SDK1: variants seen among roughly 807,000 people sequenced by gnomAD.
SDK1 encodes sidekick cell adhesion molecule 1, also known as protein sidekick-1.
In SDK1, 157 loss-of-function variants were observed where a neutral mutation model predicts 245.5. The ratio of observed to expected loss-of-function variants is 0.64; its 90% CI spans 0.56 to 0.73. The LOEUF is 0.73. Ranked by LOEUF, SDK1 falls within the 30% of genes least tolerant of loss-of-function variation. SDK1 has a pLI of 0.00. For missense variants in SDK1, 3,583 were observed against 3,002.3 expected (o/e 1.19, Z -4.52); for synonymous variants, 1,647 against 1,278.5 (o/e 1.29, Z -6.15).
chr7:3,569,700 T>C (rs1780047495), intron 1 of SDK1, among the ~76,000 whole-genome samples: 1 of 152,242 alleles, frequency 6.6e-6, no homozygotes, highest in Admixed American at 6.5e-5. Context: ...TTCCTGGAAA[T>C]CAAAGCACTG....
At chr7:3,621,137 C>T (rs186079199) in intron 2 of SDK1, among the ~76,000 whole-genome samples, 11 of 152,026 alleles carry the variant, frequency 7.2e-5, no homozygotes, top group African/African-American at 1.4e-4. Context: ...CTCTAGTGAT[C>T]GTAGGCAGCA....
At chr7:3,437,273 G>A (rs908935000) in intron 1 of SDK1, among the ~76,000 whole-genome samples, 2 of 151,900 alleles carry the variant, frequency 1.3e-5, no homozygotes, top group Non-Finnish European at 2.9e-5. Context: ...TTATAACATT[G>A]TTATTTCCCA....
chr7:3,386,592 A>G (rs757873426), intron 1 of SDK1, among the ~76,000 whole-genome samples: 8 of 152,182 alleles, frequency 5.3e-5, no homozygotes, highest in Non-Finnish European at 8.8e-5. Context: ...CTGAGCTTCT[A>G]TAAACATTTT....
intron 4 of SDK1, among the ~76,000 whole-genome samples, chr7:3,654,017 A>G (rs1272110818): frequency 1.3e-5 from 2 of 152,172 alleles, no homozygotes; most frequent in Non-Finnish European, 1.5e-5. Context: ...AGGGGTGTTC[A>G]GGTAAAAAAC....
chr7:3,548,268 A>T (rs148324008), intron 1 of SDK1, among the ~76,000 whole-genome samples: 1 of 152,214 alleles, frequency 6.6e-6, no homozygotes, highest in Non-Finnish European at 1.5e-5. Context: ...AACTGATTAT[A>T]CATCTGGAAA....
At chr7:4,214,434 C>A (rs928772446) in intron 38 of SDK1, among the ~76,000 whole-genome samples, 1 of 152,234 alleles carries the variant, frequency 6.6e-6, no homozygotes, top group Non-Finnish European at 1.5e-5. Context: ...AGCCTTGTCT[C>A]TTTTGTCTGT....
At chr7:4,043,986 TTG>T (rs1788834650) in intron 17 of SDK1, among the ~76,000 whole-genome samples, 2 of 152,306 alleles carry the variant, frequency 1.3e-5, no homozygotes, top group South Asian at 2.1e-4. Context: ...CTTCCTCCTC[TTG>T]TGTTTTCTTT....
intron 44 of SDK1, among the ~76,000 whole-genome samples, chr7:4,258,310 C>G (rs938637861): frequency 6.6e-6 from 1 of 152,172 alleles, no homozygotes; most frequent in Admixed American, 6.5e-5. Flanking sequence ...AGTGTGAACC[C>G]TGCTTCCCTA....
At chr7:3,302,595 A>T (rs146455076) in intron 1 of SDK1, 1 of 151,760 alleles carries the variant, frequency 6.6e-6, no homozygotes, top group Admixed American at 6.6e-5. Context: ...TTCCTTCCCA[A>T]ATCTGGGCTT....
At position 3,343,961 on chromosome 7, in the gene SDK1, G is replaced by T. The variant is rs1030106435; in HGVS notation, c.298+42077G>T. Among the ~76,000 whole-genome samples the T allele has an allele frequency of 1.1e-4, 16 of 148,826 alleles. No individual in the cohort carries two copies. The East Asian group carries it at 3.2e-3, about 29-fold the overall frequency. On this transcript the variant is annotated intron_variant, in intron 1 of 44. Transcript: ENST00000404826. ...ATTATTGATAAAAGACATTTATGAA[G>T]AGGATAAACTGTGAAGGTGTACAGA... is the stretch of plus-strand genomic sequence containing the variant.
At chr7:3,554,514 A>T (rs556933302) in intron 1 of SDK1, among the ~76,000 whole-genome samples, 1 of 152,240 alleles carries the variant, frequency 6.6e-6, no homozygotes, top group East Asian at 1.9e-4. Flanking sequence ...AGATAGTTCA[A>T]TAGAAGCCTC....
At chr7:3,520,364 T>C (rs1339102057) in intron 1 of SDK1, among the ~76,000 whole-genome samples, 2 of 152,184 alleles carry the variant, frequency 1.3e-5, no homozygotes, top group African/African-American at 2.4e-5. Context: ...GTTTGCTCTA[T>C]TGAGTCCTTG....
At chr7:3,923,002 A>C (rs1390776909) in intron 5 of SDK1, among the ~76,000 whole-genome samples, 1 of 152,200 alleles carries the variant, frequency 6.6e-6, no homozygotes, top group African/African-American at 2.4e-5. Context: ...AGCCAGGTTC[A>C]CTGATTTGAT....
chr7:4,092,736 G>A (rs1000860171), intron 22 of SDK1, among the ~76,000 whole-genome samples: 17 of 152,132 alleles, frequency 1.1e-4, no homozygotes, highest in Non-Finnish European at 8.8e-5. Flanking sequence ...CTGGGGCGCC[G>A]GGAGGACACT....
chr7:4,017,261 C>G lies in SDK1; in HGVS notation c.2511C>G (p.Ile837Met). 2 of 1,614,138 alleles carry G rather than the reference C, an allele frequency of 1.2e-6. No homozygotes were observed. The highest frequency in any genetic ancestry group is 1.7e-6 in the Non-Finnish European group (2 of 1,180,000). ...VNYCLVTDLI[I>M]WTQYEIQVAA... ...ACTGCCTGGTGACAGACCTGATCATCTGGACACAGTATGAGATACAGGTGG... is the reference window on the plus strand; with the variant it reads ...ACTGCCTGGTGACAGACCTGATCATGTGGACACAGTATGAGATACAGGTGG... The change falls in exon 17 of 45, where the codon ATC becomes ATG. Residue 837 changes from isoleucine to methionine, a missense_variant. Transcript: ENST00000404826.
rs772505422 is a variant in SDK1, at chr7:4,268,663, A to C, written c.*3279A>C. The C allele has an allele frequency of 2.2e-6, 3 of 1,367,714 alleles. No individual in the cohort carries two copies. The highest frequency in any genetic ancestry group is 2.0e-6 in the Non-Finnish European group (2 of 1,021,918). 84.7% of individuals were successfully genotyped at this position (1,367,714 alleles called of 1,614,324 possible). Reference sequence around the variant, plus strand: ...GTAGCATGGTTTTTATTTCTTACGCATTCTTGGCACACAGTGTAGCTATCC... The same window carrying C: ...GTAGCATGGTTTTTATTTCTTACGCCTTCTTGGCACACAGTGTAGCTATCC... On this transcript the variant is annotated 3_prime_UTR_variant, in exon 45 of 45. Transcript: ENST00000404826.
At chr7:3,641,546 C>T (rs779531333) in intron 3 of SDK1, among the ~76,000 whole-genome samples, 8 of 152,236 alleles carry the variant, frequency 5.3e-5, no homozygotes, top group South Asian at 2.1e-4. Flanking sequence ...GAGCAAGGGC[C>T]GGTGCCGGGC....
At chr7:3,591,314 T>G (rs1053552037) in intron 1 of SDK1, among the ~76,000 whole-genome samples, 1 of 152,192 alleles carries the variant, frequency 6.6e-6, no homozygotes, top group Non-Finnish European at 1.5e-5. Context: ...TAGCCCCTTT[T>G]TAAACTGCTC....
At chr7:4,105,410 G>C (rs995701950) in intron 22 of SDK1, among the ~76,000 whole-genome samples, 2 of 150,282 alleles carry the variant, frequency 1.3e-5, no homozygotes, top group East Asian at 2.0e-4. Flanking sequence ...TGGTTCAAGC[G>C]ATTCTCCTGC....
Sources: gnomAD v4.1 joint callset for allele counts (sites outside exome capture counted in the v4.1 genomes callset) on GRCh38, gnomAD v4.1.1 for gene constraint, MANE v1.5 for transcripts, NCBI Gene and HGNC (gene_info 2026-07-23, HGNC 2026-07-21) for gene names.